CNTNAP2: variants seen among roughly 807,000 people sequenced by gnomAD.
CNTNAP2 encodes the protein contactin associated protein 2, also known as contactin-associated protein-like 2.
A neutral mutation model predicts 155.2 loss-of-function variants in CNTNAP2; 98 were observed. The ratio of observed to expected loss-of-function variants is 0.63; its 90% confidence interval spans 0.54 to 0.75. The LOEUF (loss-of-function observed/expected upper bound fraction) is 0.75, where lower values mean the gene tolerates loss of function less well. Among genes scored for constraint, CNTNAP2 ranks in the 30% least tolerant of loss-of-function variants. The pLI is 0.00. For synonymous variants in CNTNAP2, 651 were observed against 631.2 expected (o/e 1.03, Z -0.47); for missense variants, 1,727 against 1,688.1 (o/e 1.02, Z -0.40).
intron 2 of CNTNAP2, among the ~76,000 whole-genome samples, chr7:146,807,340 T>A (rs943312270): frequency 5.9e-5 from 9 of 152,298 alleles, no homozygotes; most frequent in South Asian, 2.1e-4. Flanking sequence ...ATATATTTTT[T>A]AACTAATTCC....
chr7:146,454,242 T>G (rs576825114), intron 1 of CNTNAP2, among the ~76,000 whole-genome samples: 45 of 152,322 alleles, frequency 3.0e-4, no homozygotes, highest in African/African-American at 1.1e-3. Context: ...AGATATTTTT[T>G]AAACCTTAGA....
intron 9 of CNTNAP2, among the ~76,000 whole-genome samples, chr7:147,376,849 A>G (rs1468324101): frequency 6.6e-6 from 1 of 151,962 alleles, no homozygotes; most frequent in Non-Finnish European, 1.5e-5. Context: ...ACTGTATATT[A>G]CAAATGATCT....
Position 147,742,782 on chromosome 7 carries a change from G to A in CNTNAP2, c.2098+103476G>A, listed in dbSNP as rs139677569. ...CCCTTCTCAGGAATAGACACAGTGT[G>A]TTTATGCAAAACAAACACAGCGTTT... On this transcript the variant is annotated intron_variant, in intron 13 of 23. Coordinates refer to ENST00000361727, the MANE Select transcript of CNTNAP2 (RefSeq NM_014141.6). Among the ~76,000 whole-genome samples the A allele has an allele frequency of 4.9e-4, 75 of 152,290 alleles. No homozygotes were observed. The East Asian group carries it at 0.012, about 24-fold the overall frequency.
At chr7:147,737,810 C>G (rs1796882907) in intron 13 of CNTNAP2, among the ~76,000 whole-genome samples, 1 of 152,212 alleles carries the variant, frequency 6.6e-6, no homozygotes, top group South Asian at 2.1e-4. Flanking sequence ...GCATAGGACC[C>G]TCTGAGCCAG....
chr7:148,217,663 C>A, intron 19 of CNTNAP2, 139 bp downstream of exon 19: 1 of 924,628 alleles, frequency 1.1e-6, no homozygotes. Context: ...TTCTTTGAAC[C>A]CCATTTCTCT....
At chr7:147,347,810 A>G (rs1393136654) in intron 9 of CNTNAP2, among the ~76,000 whole-genome samples, 2 of 152,114 alleles carry the variant, frequency 1.3e-5, no homozygotes, top group Admixed American at 6.6e-5. Context: ...CCAAACCAGC[A>G]TAATACTGGC....
intron 14 of CNTNAP2, among the ~76,000 whole-genome samples, chr7:147,906,621 A>T (rs1799963004): frequency 6.6e-6 from 1 of 151,304 alleles, no homozygotes; most frequent in Non-Finnish European, 1.5e-5. Flanking sequence ...CACCATGCCC[A>T]GCTAATTTTT....
chr7:147,428,134 G>A (rs557289134), intron 10 of CNTNAP2, among the ~76,000 whole-genome samples: 1 of 152,186 alleles, frequency 6.6e-6, no homozygotes, highest in Non-Finnish European at 1.5e-5. Context: ...ATTTGTCATT[G>A]GATGAATGAT....
At chr7:147,469,831 T>G (rs1798185208) in intron 10 of CNTNAP2, among the ~76,000 whole-genome samples, 1 of 152,092 alleles carries the variant, frequency 6.6e-6, no homozygotes, top group Admixed American at 6.6e-5. Flanking sequence ...GCTGCAATTT[T>G]AAACAGAGCG....
At chr7:147,318,896 A>T (rs765171374) in intron 9 of CNTNAP2, among the ~76,000 whole-genome samples, 10 of 152,168 alleles carry the variant, frequency 6.6e-5, no homozygotes, top group Non-Finnish European at 1.2e-4. Context: ...TTAGAAAAGC[A>T]TGTCTTTAAT....
chr7:147,734,346 T>G (rs1796799604), intron 13 of CNTNAP2, among the ~76,000 whole-genome samples: 1 of 152,342 alleles, frequency 6.6e-6, no homozygotes, highest in Admixed American at 6.5e-5. Context: ...TGAACCAGCC[T>G]TGCATCCCAG....
intron 13 of CNTNAP2, among the ~76,000 whole-genome samples, chr7:147,887,300 C>T (rs1444937443): frequency 1.3e-5 from 2 of 152,030 alleles, no homozygotes; most frequent in Non-Finnish European, 2.9e-5. Context: ...GGTGAAACCC[C>T]ATCTCTACTA....
At chr7:146,533,540 A>ATT (rs1421819604) in intron 1 of CNTNAP2, among the ~76,000 whole-genome samples, 8 of 152,182 alleles carry the variant, frequency 5.3e-5, no homozygotes, top group African/African-American at 1.9e-4. Context: ...TAGAACAATA[A>ATT]TTTATTGCAA....
rs565778320 is a variant in CNTNAP2 at position 146,155,155 on chromosome 7, G to A, written c.97+38182G>A. 2.0e-5 allele frequency among the ~76,000 whole-genome samples: 3 copies of A among 152,264 alleles called. No homozygotes were observed. The South Asian group carries it at 6.2e-4, about 32-fold the overall frequency. On this transcript the variant is annotated intron_variant, in intron 1 of 23. Transcript: ENST00000361727. The stretch of plus-strand genomic sequence containing the variant: ...TGAAAAGATACAAAGCTCCTATGTG[G>A]TCAGACTGGAATTTTAATCTACTTG...
intron 1 of CNTNAP2, among the ~76,000 whole-genome samples, chr7:146,639,937 G>A (rs969450313): frequency 2.0e-5 from 3 of 152,324 alleles, no homozygotes; most frequent in Middle Eastern, 6.8e-3. Context: ...ATAGCCAACG[G>A]CACCCAAGAC....
At chr7:147,361,205 C>T (rs1315011746) in intron 9 of CNTNAP2, among the ~76,000 whole-genome samples, 1 of 152,158 alleles carries the variant, frequency 6.6e-6, no homozygotes, top group Non-Finnish European at 1.5e-5. Context: ...AAAAACTTTC[C>T]TTTAGGATGT....
chr7:147,596,259 C>T (rs569499202), intron 12 of CNTNAP2, among the ~76,000 whole-genome samples: 5 of 152,162 alleles, frequency 3.3e-5, no homozygotes, highest in Middle Eastern at 3.2e-3. Flanking sequence ...CTCTCTTTTA[C>T]TACCTGCCAT....
chr7:147,701,496 A>C (rs1208053371), intron 13 of CNTNAP2, among the ~76,000 whole-genome samples: 1 of 152,198 alleles, frequency 6.6e-6, no homozygotes, highest in Non-Finnish European at 1.5e-5. Context: ...GTGACTTGTC[A>C]TTGATACATT....
At chr7:147,808,559 C>G (rs1421488583) in intron 13 of CNTNAP2, among the ~76,000 whole-genome samples, 2 of 152,316 alleles carry the variant, frequency 1.3e-5, no homozygotes, top group Admixed American at 1.3e-4. Context: ...ACCCTTGTCC[C>G]CATCATCCAA....
Sources: gnomAD v4.1 joint callset for allele counts (sites outside exome capture counted in the v4.1 genomes callset) on GRCh38, gnomAD v4.1.1 for gene constraint, MANE v1.5 for transcripts, NCBI Gene and HGNC (gene_info 2026-07-23, HGNC 2026-07-21) for gene names.